The following TBX15 variants were observed in gnomAD, a reference collection of about 807,000 sequenced individuals.
TBX15 encodes T-box transcription factor TBX15.
Under a neutral mutation model 53.9 loss-of-function variants are expected in TBX15, and 18 were observed. The ratio of observed to expected loss-of-function variants is 0.33; its 90% CI spans 0.23 to 0.49. TBX15 has a LOEUF of 0.49. TBX15 is among the 20% of genes least tolerant of loss of function. The pLI, the probability that TBX15 is intolerant of heterozygous loss-of-function variation, is 0.98. For synonymous variants in TBX15, 295 were observed against 278.0 expected (o/e 1.06, Z -0.61); for missense variants, 692 against 749.5 (o/e 0.92, Z 0.90).
At chr1:118,932,623 G>C (rs916625128) in intron 1 of TBX15, among the ~76,000 whole-genome samples, 1 of 152,138 alleles carries the variant, frequency 6.6e-6, no homozygotes, top group Non-Finnish European at 1.5e-5. Context: ...GTGGGATTGA[G>C]AGCAACCAAA....
Position 118,987,607 on chromosome 1 carries a change from G to A in TBX15, c.189C>T (p.Gly63=). 3 of 1,548,226 alleles carry A rather than the reference G, an allele frequency of 1.9e-6. No homozygotes were observed. Among genetic ancestry groups the A allele is most frequent in the Non-Finnish European group, 2.6e-6 (3 of 1,146,724 alleles). ...LGDTEDAAAH[G]LEPHPDSEQS... ...CGCACTCACCCGGGTGAGGCTCCAG[G>A]CCGTGTGCCGCCGCGTCCTCCGTGT... The change falls in exon 1 of 8, where the codon GGC becomes GGT. Residue 63 remains glycine, a synonymous_variant. Coordinates refer to ENST00000369429, the MANE Select transcript of TBX15 (RefSeq NM_001330677.2).
intron 7 of TBX15, among the ~76,000 whole-genome samples, chr1:118,895,148 C>T (rs927171320): frequency 2.6e-5 from 4 of 152,208 alleles, no homozygotes. Flanking sequence ...ACAAGTCAAA[C>T]TGATGAAAAT....
chr1:118,955,456 A>T (rs35216657), intron 1 of TBX15, among the ~76,000 whole-genome samples: 6,002 of 152,282 alleles, frequency 0.039, 251 homozygotes, highest in East Asian at 0.19. Context: ...CAATCAATCA[A>T]TGAATAATGG....
Position 118,897,878 on chromosome 1 carries a change from C to CTAATCATG in TBX15, c.1024+1142_1024+1149dup, listed in dbSNP as rs375745032. Reference sequence around the variant, plus strand: ...CCAGATCGCTGTGAAAATGAATAGTCTAATCATGTTTTAAATAATTAATCG... The same window carrying CTAATCATG: ...CCAGATCGCTGTGAAAATGAATAGTCTAATCATGTAATCATGTTTTAAATAATTAATCG... On this transcript the variant is annotated intron_variant, in intron 7 of 7. Coordinates refer to ENST00000369429, the MANE Select transcript of TBX15 (RefSeq NM_001330677.2). Among the ~76,000 whole-genome samples the CTAATCATG allele has an allele frequency of 4.5e-3, 684 of 152,234 alleles. 2 individuals carry two copies. Among genetic ancestry groups the CTAATCATG allele is most frequent in the African/African-American group, 0.016 (666 of 41,558 alleles).
intron 1 of TBX15, among the ~76,000 whole-genome samples, chr1:118,978,266 G>A (rs1285741457): frequency 6.6e-6 from 1 of 152,162 alleles, no homozygotes; most frequent in South Asian, 2.1e-4. Context: ...TTTTGGTCTT[G>A]TGTTGCTATT....
Position 118,978,318 on chromosome 1 carries a change from A to T in TBX15, c.205+9273T>A, listed in dbSNP as rs373702922. Among the ~76,000 whole-genome samples the T allele has an allele frequency of 6.6e-5, 10 of 152,180 alleles. No individual in the cohort carries two copies. In the East Asian group the frequency reaches 1.2e-3, roughly 18 times the overall value. ...ACTGCAGTAAAATTCCTTCGTTCCA[A>T]CAAAGTAAGGATGGGTCAAGTGATG... On this transcript the variant is annotated intron_variant, in intron 1 of 7. Coordinates refer to ENST00000369429, the MANE Select transcript of TBX15 (RefSeq NM_001330677.2).
intron 1 of TBX15, among the ~76,000 whole-genome samples, chr1:118,940,701 G>A (rs893985811): frequency 2.1e-5 from 3 of 146,000 alleles, no homozygotes; most frequent in South Asian, 2.1e-4. Context: ...AAGATTCTAC[G>A]CCAATGACCA....
At chr1:118,968,271 G>C (rs1387533886) in intron 1 of TBX15, among the ~76,000 whole-genome samples, 1 of 152,110 alleles carries the variant, frequency 6.6e-6, no homozygotes, top group Non-Finnish European at 1.5e-5. Flanking sequence ...CTGGAGTGCA[G>C]TGGCGTGATC....
chr1:118,942,935 C>A (rs1656234505), intron 1 of TBX15, among the ~76,000 whole-genome samples: 1 of 152,220 alleles, frequency 6.6e-6, no homozygotes, highest in African/African-American at 2.4e-5. Flanking sequence ...GTCCCCTACA[C>A]ATCTGGTGTC....
At position 118,924,822 on chromosome 1, in the gene TBX15, G is replaced by A; in HGVS notation, c.522-5C>T. 1 of 1,613,898 alleles carries A rather than the reference G, an allele frequency of 6.2e-7. No homozygotes were observed. The highest frequency in any genetic ancestry group is 8.5e-7 in the Non-Finnish European group (1 of 1,179,908). On this transcript the variant is annotated splice_region_variant and splice_polypyrimidine_tract_variant and intron_variant, in intron 3 of 7. Coordinates refer to ENST00000369429, the MANE Select transcript of TBX15 (RefSeq NM_001330677.2). Reference sequence around the variant, plus strand: ...TTGGAGCTATGATACACATATCTGAGATAAAGAGGAAGAGAGGAAAATTCA... The same window carrying A: ...TTGGAGCTATGATACACATATCTGAAATAAAGAGGAAGAGAGGAAAATTCA...
At chr1:118,985,848 C>G (rs571576563) in intron 1 of TBX15, among the ~76,000 whole-genome samples, 3 of 152,344 alleles carry the variant, frequency 2.0e-5, no homozygotes, top group East Asian at 3.9e-4. Flanking sequence ...CAGGTTCACG[C>G]TCTGGAATGG....
chr1:118,896,377 A>AGTTT (rs1277881481), intron 7 of TBX15, among the ~76,000 whole-genome samples: 1 of 152,200 alleles, frequency 6.6e-6, no homozygotes, highest in Non-Finnish European at 1.5e-5. Flanking sequence ...CTTTCTTCAA[A>AGTTT]GTTTTATCAG....
intron 6 of TBX15, among the ~76,000 whole-genome samples, chr1:118,913,232 TAAA>T (rs34874727): frequency 6.7e-6 from 1 of 148,156 alleles, no homozygotes; most frequent in African/African-American, 2.5e-5. Context: ...CCTCAAACTA[TAAA>T]AAAAAAAAAT....
At chr1:118,911,368 A>G (rs1379503446) in intron 6 of TBX15, among the ~76,000 whole-genome samples, 1 of 152,218 alleles carries the variant, frequency 6.6e-6, no homozygotes, top group Admixed American at 6.5e-5. Flanking sequence ...GAATAAATAA[A>G]TAATGCTGTG....
intron 1 of TBX15, among the ~76,000 whole-genome samples, chr1:118,982,481 T>A (rs1209545030): frequency 6.6e-6 from 1 of 152,194 alleles, no homozygotes; most frequent in Non-Finnish European, 1.5e-5. Flanking sequence ...AATGTAGTTG[T>A]CCCTTTCTCC....
rs1571140224 is a variant in TBX15 at position 118,883,789 on chromosome 1, G to A, written c.*943C>T. On this transcript the variant is annotated 3_prime_UTR_variant, in exon 8 of 8. Transcript: ENST00000369429. ...CTGACCATGCTCAGTGTGCCAGAGA[G>A]GTTTACTCCTCAGTAATGCCATGAT... The A allele has an allele frequency of 6.6e-6, 1 of 150,674 alleles. No homozygotes were observed. Among genetic ancestry groups the A allele is most frequent in the South Asian group, 2.1e-4 (1 of 4,664 alleles). 9.3% of individuals were successfully genotyped at this position (150,674 alleles called of 1,614,324 possible).
intron 6 of TBX15, among the ~76,000 whole-genome samples, chr1:118,909,857 A>T (rs1421923232): frequency 2.0e-5 from 3 of 152,222 alleles, no homozygotes; most frequent in Non-Finnish European, 4.4e-5. Context: ...CTGGGATTAC[A>T]GGCATGAGCC....
chr1:118,891,034 C>T (rs1399733655), intron 7 of TBX15: 3 of 950,660 alleles, frequency 3.2e-6, no homozygotes, highest in South Asian at 1.6e-5. Flanking sequence ...ACCCAGAGAT[C>T]GTAAAGTTTA....
intron 1 of TBX15, among the ~76,000 whole-genome samples, chr1:118,946,072 T>A (rs891144074): frequency 7.9e-5 from 12 of 152,246 alleles, no homozygotes; most frequent in African/African-American, 2.9e-4. Flanking sequence ...AAGTATACAA[T>A]ATATAGCATC....
Sources: gnomAD v4.1 joint callset for allele counts (sites outside exome capture counted in the v4.1 genomes callset) on GRCh38, gnomAD v4.1.1 for gene constraint, MANE v1.5 for transcripts, NCBI Gene and HGNC (gene_info 2026-07-23, HGNC 2026-07-21) for gene names.